LRRIQ3: variants seen among roughly 807,000 people sequenced by gnomAD.
LRRIQ3 encodes the protein leucine rich repeats and IQ motif containing 3.
Under a neutral mutation model 59.3 loss-of-function variants are expected in LRRIQ3, and 75 were observed. That is an observed-to-expected ratio of 1.26 (90% CI 1.05 to 1.53). The LOEUF (loss-of-function observed/expected upper bound fraction) is 1.53, where lower values mean the gene tolerates loss of function less well. Among genes scored for constraint, LRRIQ3 ranks in the 40% most tolerant of loss-of-function variants. The probability of loss-of-function intolerance (pLI) is 0.00; values close to 1 mark genes in which losing one functional copy is unlikely to be tolerated. For synonymous variants in LRRIQ3, 250 were observed against 231.3 expected (o/e 1.08, Z -0.73); for missense variants, 831 against 710.0 (o/e 1.17, Z -1.94).
At chr1:74,063,123 AC>A (rs1159035396) in intron 6 of LRRIQ3, among the ~76,000 whole-genome samples, 5 of 149,806 alleles carry the variant, frequency 3.3e-5, no homozygotes, top group Admixed American at 2.0e-4. Context: ...CCAAAACCAA[AC>A]AACAACAACA....
intron 3 of LRRIQ3, among the ~76,000 whole-genome samples, chr1:74,176,662 T>C (rs141120883): frequency 6.6e-6 from 1 of 152,030 alleles, no homozygotes; most frequent in East Asian, 1.9e-4. Context: ...TTCTGTTGTT[T>C]ATGTAGGGGT....
chr1:74,078,633 AAG>A (rs1646236042), intron 5 of LRRIQ3: 1 of 151,886 alleles, frequency 6.6e-6, no homozygotes, highest in Non-Finnish European at 1.5e-5. Context: ...TTCGTTGAGA[AAG>A]AGAGAAGCAA....
intron 1 of LRRIQ3, among the ~76,000 whole-genome samples, chr1:74,189,898 C>T (rs1650649834): frequency 6.6e-6 from 1 of 152,008 alleles, no homozygotes; most frequent in Non-Finnish European, 1.5e-5. Context: ...AGCATGAAAA[C>T]AGACTAATAC....
chr1:74,173,596 C>T (rs1649461121), intron 3 of LRRIQ3, among the ~76,000 whole-genome samples: 1 of 151,920 alleles, frequency 6.6e-6, no homozygotes. Flanking sequence ...AAATTATTGT[C>T]AAACACATGT....
At chr1:74,066,013 C>T (rs915565605) in intron 6 of LRRIQ3, among the ~76,000 whole-genome samples, 1 of 151,608 alleles carries the variant, frequency 6.6e-6, no homozygotes, top group Non-Finnish European at 1.5e-5. Flanking sequence ...ATAGTGAAAC[C>T]CCATCTCTAC....
chr1:74,147,819 C>T (rs944860223), intron 4 of LRRIQ3, among the ~76,000 whole-genome samples: 5 of 152,012 alleles, frequency 3.3e-5, no homozygotes, highest in African/African-American at 1.2e-4. Flanking sequence ...GTATGTGGGT[C>T]TATATGTTTT....
At chr1:74,192,777 C>T (rs1650849512) in intron 1 of LRRIQ3, among the ~76,000 whole-genome samples, 1 of 152,004 alleles carries the variant, frequency 6.6e-6, no homozygotes, top group Non-Finnish European at 1.5e-5. Context: ...AACTAGTATT[C>T]TATATTCAGA....
At chr1:74,094,152 C>A (rs944190195) in intron 5 of LRRIQ3, among the ~76,000 whole-genome samples, 1 of 151,956 alleles carries the variant, frequency 6.6e-6, no homozygotes, top group Non-Finnish European at 1.5e-5. Flanking sequence ...CCTATCAGGT[C>A]AGGACCCCAT....
rs368869827 is a variant in LRRIQ3 at position 74,198,159 on chromosome 1, C to A, written c.-164G>T. 9.3e-6 allele frequency: 14 copies of A among 1,506,626 alleles called. No homozygotes were observed. The highest frequency in any genetic ancestry group is 2.5e-4 in the Middle Eastern group (1 of 4,026). 93.3% of individuals were successfully genotyped at this position (1,506,626 alleles called of 1,614,324 possible). A position where few individuals can be genotyped will look rare whatever the true frequency, so the allele number is the denominator to read the frequency against. On this transcript the variant is annotated 5_prime_UTR_variant, in exon 1 of 8. Coordinates refer to ENST00000354431, the MANE Select transcript of LRRIQ3 (RefSeq NM_001105659.2). ...ATGGTTTTCCGGGCGCCAGCCAAGGCGCTCCGGGGGCGTGGTTACGTGGGC... is the reference window on the plus strand; with the variant it reads ...ATGGTTTTCCGGGCGCCAGCCAAGGAGCTCCGGGGGCGTGGTTACGTGGGC...
At chr1:74,087,952 C>T (rs1360468706) in intron 5 of LRRIQ3, among the ~76,000 whole-genome samples, 1 of 151,666 alleles carries the variant, frequency 6.6e-6, no homozygotes, top group Non-Finnish European at 1.5e-5. Flanking sequence ...CAAACATTAG[C>T]TGGGTGTGAT....
chr1:74,067,600 C>T (rs927210479), intron 6 of LRRIQ3, among the ~76,000 whole-genome samples: 1 of 151,992 alleles, frequency 6.6e-6, no homozygotes, highest in Non-Finnish European at 1.5e-5. Flanking sequence ...TCTGTGAGTT[C>T]CATATGTGGT....
intron 4 of LRRIQ3, among the ~76,000 whole-genome samples, chr1:74,155,478 A>C (rs967428177): frequency 6.6e-6 from 1 of 152,200 alleles, no homozygotes; most frequent in African/African-American, 2.4e-5. Flanking sequence ...ATTGTATCCC[A>C]TTATATAATC....
chr1:74,061,858 G>T (rs771500098), intron 6 of LRRIQ3, among the ~76,000 whole-genome samples: 13 of 152,038 alleles, frequency 8.6e-5, no homozygotes, highest in Non-Finnish European at 1.5e-4. Context: ...AACTTAGTGA[G>T]ACCCTCTCTC....
intron 7 of LRRIQ3, among the ~76,000 whole-genome samples, chr1:74,036,666 A>C (rs1402277820): frequency 6.6e-6 from 1 of 152,160 alleles, no homozygotes; most frequent in Non-Finnish European, 1.5e-5. Context: ...GCTTTTTGCC[A>C]TATTTCCCAC....
At chr1:74,085,515 A>G (rs1454643593) in intron 5 of LRRIQ3, among the ~76,000 whole-genome samples, 1 of 151,932 alleles carries the variant, frequency 6.6e-6, no homozygotes, top group Non-Finnish European at 1.5e-5. Context: ...CTTTACTAAA[A>G]GAGAATGAAT....
At chr1:74,062,328 G>A (rs1654742903) in intron 6 of LRRIQ3, among the ~76,000 whole-genome samples, 2 of 150,904 alleles carry the variant, frequency 1.3e-5, no homozygotes, top group African/African-American at 4.9e-5. Context: ...AATCATTAGA[G>A]TAATGCAAAT....
At chr1:74,164,850 G>C (rs1276271182) in intron 3 of LRRIQ3, among the ~76,000 whole-genome samples, 2 of 151,518 alleles carry the variant, frequency 1.3e-5, no homozygotes, top group East Asian at 3.9e-4. Context: ...AACTTAGACT[G>C]AGGAGTTTTG....
At chr1:74,177,719 A>G (rs1322528205) in intron 3 of LRRIQ3, among the ~76,000 whole-genome samples, 1 of 151,902 alleles carries the variant, frequency 6.6e-6, no homozygotes, top group Non-Finnish European at 1.5e-5. Flanking sequence ...TAGGGAATTA[A>G]TATGTTTATT....
At chr1:74,059,115 T>TG in intron 6 of LRRIQ3, among the ~76,000 whole-genome samples, 1 of 151,580 alleles carries the variant, frequency 6.6e-6, no homozygotes, top group Non-Finnish European at 1.5e-5. Context: ...AGATATGTTA[T>TG]TTGCAAATAT....
Sources: gnomAD v4.1 joint callset for allele counts (sites outside exome capture counted in the v4.1 genomes callset) on GRCh38, gnomAD v4.1.1 for gene constraint, MANE v1.5 for transcripts, NCBI Gene and HGNC (gene_info 2026-07-23, HGNC 2026-07-21) for gene names.